Variants in ADAMTS16 observed in about 807,000 individuals in gnomAD.
ADAMTS16 encodes ADAM metallopeptidase with thrombospondin type 1 motif 16.
A neutral mutation model predicts 145.8 loss-of-function variants in ADAMTS16; 94 were observed. That is an observed-to-expected ratio of 0.64 (90% CI 0.55 to 0.77). The LOEUF (loss-of-function observed/expected upper bound fraction) is 0.77, where lower values mean the gene tolerates loss of function less well. Ranked by LOEUF, ADAMTS16 falls within the 30% of genes least tolerant of loss-of-function variation. ADAMTS16 has a pLI of 0.00. For missense variants in ADAMTS16, 1,585 were observed against 1,591.5 expected, an observed-to-expected ratio of 1.00 and a Z score of 0.07; for synonymous variants, 659 against 604.3, an observed-to-expected ratio of 1.09 and a Z score of -1.33.
chr5:5,152,593 G>A (rs915211039), intron 3 of ADAMTS16, among the ~76,000 whole-genome samples: 1 of 152,214 alleles, frequency 6.6e-6, no homozygotes, highest in South Asian at 2.1e-4. Flanking sequence ...TTGGCTGGGG[G>A]TAAGGAAATA....
chr5:5,266,671 G>T (rs1387895984), intron 18 of ADAMTS16, among the ~76,000 whole-genome samples: 1 of 152,196 alleles, frequency 6.6e-6, no homozygotes, highest in Non-Finnish European at 1.5e-5. Context: ...GGATTTTGGG[G>T]ATGGCCCCAG....
intron 8 of ADAMTS16, 33 bp downstream of exon 8, chr5:5,191,823 G>T: frequency 6.5e-7 from 1 of 1,528,972 alleles, no homozygotes; most frequent in South Asian, 1.2e-5. Flanking sequence ...ATGGCATCCC[G>T]AGTTTTTTCC....
At chr5:5,200,107 A>C (rs1579305828) in intron 8 of ADAMTS16, 25 bp from the exon 9 acceptor site, 2 of 1,447,582 alleles carry the variant, frequency 1.4e-6, no homozygotes, top group African/African-American at 1.4e-5. Flanking sequence ...TGAAAGAACC[A>C]TCTCTCTCTC....
intron 8 of ADAMTS16, among the ~76,000 whole-genome samples, chr5:5,194,050 T>C (rs1735734023): frequency 6.6e-6 from 1 of 151,982 alleles, no homozygotes; most frequent in African/African-American, 2.4e-5. Flanking sequence ...TGCAGTCAGT[T>C]GAGATTGCAC....
At chr5:5,185,420 A>T (rs981853475) in intron 4 of ADAMTS16, among the ~76,000 whole-genome samples, 1 of 152,242 alleles carries the variant, frequency 6.6e-6, no homozygotes, top group African/African-American at 2.4e-5. Context: ...ACATGCCAAA[A>T]ATATTTTTAA....
intron 17 of ADAMTS16, among the ~76,000 whole-genome samples, chr5:5,243,950 C>A (rs1460115315): frequency 6.6e-6 from 1 of 152,150 alleles, no homozygotes; most frequent in African/African-American, 2.4e-5. Flanking sequence ...AATCCATTCC[C>A]AAATCACTTT....
At position 5,319,418 on chromosome 5, in the gene ADAMTS16, G is replaced by T; in HGVS notation, c.*280G>T. 1 of 464,208 alleles carries T rather than the reference G, an allele frequency of 2.2e-6. No homozygotes were observed. Among genetic ancestry groups the T allele is most frequent in the East Asian group, 4.1e-5 (1 of 24,262 alleles). The allele number at this position is 464,208 out of a possible 1,614,324, so 28.8% of individuals were successfully genotyped here. A position where few individuals can be genotyped will look rare whatever the true frequency, so the allele number is the denominator to read the frequency against. On this transcript the variant is annotated 3_prime_UTR_variant, in exon 23 of 23. Transcript: ENST00000274181. ...AGGCAGAAGGCAGGCACCACAACGGGAGAGGCAGCACTCACCCCTGCCTGT... is the reference window on the plus strand; with the variant it reads ...AGGCAGAAGGCAGGCACCACAACGGTAGAGGCAGCACTCACCCCTGCCTGT...
At chr5:5,199,333 TA>T (rs1257241744) in intron 8 of ADAMTS16, among the ~76,000 whole-genome samples, 3 of 152,192 alleles carry the variant, frequency 2.0e-5, no homozygotes, top group Non-Finnish European at 4.4e-5. Flanking sequence ...AGGGTTCCTA[TA>T]GCTGCTGTAG....
At chr5:5,318,909 C>A in intron 22 of ADAMTS16, 114 bp from the exon 23 acceptor site, 1 of 738,594 alleles carries the variant, frequency 1.4e-6, no homozygotes, top group Non-Finnish European at 2.3e-6. Context: ...TGCCTCTCTG[C>A]AGCAGCCGCA....
At chr5:5,241,417 G>T (rs1307648557) in intron 16 of ADAMTS16, among the ~76,000 whole-genome samples, 1 of 152,144 alleles carries the variant, frequency 6.6e-6, no homozygotes, top group Non-Finnish European at 1.5e-5. Context: ...ACCTTTTCCT[G>T]CGGACTTAAT....
At chr5:5,253,724 A>C (rs1404662989) in intron 17 of ADAMTS16, among the ~76,000 whole-genome samples, 1 of 151,978 alleles carries the variant, frequency 6.6e-6, no homozygotes, top group Admixed American at 6.6e-5. Context: ...AGATTCTCCA[A>C]TCCAGACCCC....
intron 17 of ADAMTS16, among the ~76,000 whole-genome samples, chr5:5,260,810 G>C (rs1406727583): frequency 6.6e-6 from 1 of 152,212 alleles, no homozygotes; most frequent in Non-Finnish European, 1.5e-5. Context: ...GTATATTTTA[G>C]AGACTTTCAA....
In ADAMTS16 at chr5:5,171,180, A is replaced by C. The variant is rs553566814; in HGVS notation, c.502-10864A>C. ...CTAATAACTTTTTGGTGGTGTCTTT[A>C]GATTTTTTTCAAATCTAAGATTATT... is the stretch of plus-strand genomic sequence containing the variant. On this transcript the variant is annotated intron_variant, in intron 3 of 22. Coordinates refer to ENST00000274181, the MANE Select transcript of ADAMTS16 (RefSeq NM_139056.4). 9.6e-4 allele frequency among the ~76,000 whole-genome samples: 146 copies of C among 152,164 alleles called. 2 individuals carry two copies. Among genetic ancestry groups the C allele is most frequent in the Non-Finnish European group, 3.7e-4 (25 of 68,008 alleles).
intron 18 of ADAMTS16, among the ~76,000 whole-genome samples, chr5:5,287,291 C>T (rs575306111): frequency 2.0e-4 from 31 of 152,334 alleles, no homozygotes; most frequent in African/African-American, 6.5e-4. Context: ...ACACCTGAGT[C>T]TCATCGTGGT....
chr5:5,240,963 C>T (rs1375721535), intron 16 of ADAMTS16, among the ~76,000 whole-genome samples: 2 of 152,098 alleles, frequency 1.3e-5, no homozygotes, highest in Non-Finnish European at 2.9e-5. Flanking sequence ...ATAAGTGGGG[C>T]TTGTTAGGAA....
intron 3 of ADAMTS16, among the ~76,000 whole-genome samples, chr5:5,181,691 T>C (rs996022545): frequency 2.0e-5 from 3 of 152,204 alleles, no homozygotes; most frequent in African/African-American, 7.2e-5. Flanking sequence ...ATATTTAATA[T>C]TTAAGTGTGC....
intron 21 of ADAMTS16, among the ~76,000 whole-genome samples, chr5:5,312,600 A>C (rs1740504414): frequency 6.6e-6 from 1 of 151,784 alleles, no homozygotes; most frequent in Non-Finnish European, 1.5e-5. Flanking sequence ...GGTGTGCTCC[A>C]CCACTCCCAG....
intron 21 of ADAMTS16, among the ~76,000 whole-genome samples, chr5:5,309,286 T>C (rs553356707): frequency 3.3e-5 from 5 of 152,348 alleles, no homozygotes; most frequent in Non-Finnish European, 4.4e-5. Flanking sequence ...TTCGTTCTCA[T>C]GGCGTCAATG....
Position 5,212,011 on chromosome 5 carries a change from G to A in ADAMTS16, c.1605+2765G>A, listed in dbSNP as rs566991744. On this transcript the variant is annotated intron_variant, in intron 10 of 22. Transcript: ENST00000274181. ...GAGACTTGACATGAATATAAATTCT[G>A]CAGTGGTTGGGTAGAATATTCAAGA... Among the ~76,000 whole-genome samples the A allele has an allele frequency of 2.0e-5, 3 of 152,048 alleles. No individual in the cohort carries two copies. The South Asian group carries it at 6.2e-4, about 32-fold the overall frequency.
Sources: gnomAD v4.1 joint callset for allele counts (sites outside exome capture counted in the v4.1 genomes callset) on GRCh38, gnomAD v4.1.1 for gene constraint, MANE v1.5 for transcripts, NCBI Gene and HGNC (gene_info 2026-07-23, HGNC 2026-07-21) for gene names.